Variants in PDE10A observed in about 807,000 individuals in gnomAD.
PDE10A encodes cAMP and cAMP-inhibited cGMP 3',5'-cyclic phosphodiesterase 10A.
In PDE10A, 39 loss-of-function variants were observed where a neutral mutation model predicts 97.7. That is an observed-to-expected ratio of 0.40 (90% CI 0.31 to 0.52). The LOEUF is 0.52. Ranked by LOEUF, PDE10A falls within the 20% of genes least tolerant of loss-of-function variation. The probability of loss-of-function intolerance (pLI) is 0.56; values close to 1 mark genes in which losing one functional copy is unlikely to be tolerated. For synonymous variants in PDE10A, 371 were observed against 376.8 expected (o/e 0.98, Z 0.18); for missense variants, 731 against 1,047.8 (o/e 0.70, Z 4.17).
At chr6:165,967,628 G>A (rs1342555829) in intron 1 of PDE10A, among the ~76,000 whole-genome samples, 1 of 152,196 alleles carries the variant, frequency 6.6e-6, no homozygotes, top group African/African-American at 2.4e-5. Flanking sequence ...TAAAGAAATA[G>A]CATCTGTACA....
intron 1 of PDE10A, among the ~76,000 whole-genome samples, chr6:165,719,694 T>G (rs1792118313): frequency 6.6e-6 from 1 of 152,182 alleles, no homozygotes; most frequent in Admixed American, 6.5e-5. Context: ...ATGGAGCTGA[T>G]GGCATGCTTT....
intron 3 of PDE10A, among the ~76,000 whole-genome samples, chr6:165,478,935 C>T (rs1779447818): frequency 6.6e-6 from 1 of 152,202 alleles, no homozygotes; most frequent in Admixed American, 6.5e-5. Flanking sequence ...ACCTGGCCCC[C>T]ATGCTTCCAG....
At chr6:165,910,035 C>T (rs1782409127) in intron 1 of PDE10A, among the ~76,000 whole-genome samples, 1 of 152,174 alleles carries the variant, frequency 6.6e-6, no homozygotes, top group Non-Finnish European at 1.5e-5. Context: ...TCTCTTTTCT[C>T]CTCTAGAATG....
chr6:165,793,184 G>A (rs1211606375), intron 1 of PDE10A, among the ~76,000 whole-genome samples: 1 of 152,032 alleles, frequency 6.6e-6, no homozygotes, highest in African/African-American at 2.4e-5. Context: ...CTGAGGTTCG[G>A]GCTGAGAATT....
intron 1 of PDE10A, among the ~76,000 whole-genome samples, chr6:165,975,218 T>G (rs1320259566): frequency 6.6e-6 from 1 of 152,250 alleles, no homozygotes; most frequent in African/African-American, 2.4e-5. Context: ...CCGGGAGGTA[T>G]TCAGGCTATC....
chr6:165,722,625 T>C lies in PDE10A; in HGVS notation c.-614-179057A>G, dbSNP rs1443572469. Among the ~76,000 whole-genome samples, 5 of 152,186 alleles carry C rather than the reference T, an allele frequency of 3.3e-5. No individual in the cohort carries two copies. The East Asian group carries it at 9.6e-4, about 29-fold the overall frequency. On this transcript the variant is annotated intron_variant, in intron 1 of 19. Transcript: ENST00000366882. ...GCTCTCTATCTCTCTCAAAATTCCT[T>C]AATATTTTCAGATCATAGGTGCCCA...
intron 1 of PDE10A, among the ~76,000 whole-genome samples, chr6:165,899,059 T>C (rs575665571): frequency 1.1e-3 from 168 of 152,306 alleles, no homozygotes; most frequent in Non-Finnish European, 2.0e-3. Context: ...GTGAGTTCCA[T>C]GGGGACAGGG....
chr6:165,344,403 G>A (rs1342667660), intron 18 of PDE10A, among the ~76,000 whole-genome samples: 1 of 152,126 alleles, frequency 6.6e-6, no homozygotes, highest in Non-Finnish European at 1.5e-5. Flanking sequence ...TATCAACAAG[G>A]ATATAAAAGT....
At chr6:165,881,774 C>CA (rs1313211511) in intron 1 of PDE10A, among the ~76,000 whole-genome samples, 1 of 152,078 alleles carries the variant, frequency 6.6e-6, no homozygotes, top group Non-Finnish European at 1.5e-5. Flanking sequence ...ATAATGACTG[C>CA]ACTAATCCAA....
chr6:165,444,481 C>T (rs995974464), intron 5 of PDE10A, among the ~76,000 whole-genome samples: 15 of 152,072 alleles, frequency 9.9e-5, no homozygotes, highest in African/African-American at 3.6e-4. Flanking sequence ...AAAAATACTA[C>T]TATTTTTCTG....
chr6:165,651,758 T>G (rs1255582033), intron 1 of PDE10A, among the ~76,000 whole-genome samples: 4 of 152,252 alleles, frequency 2.6e-5, no homozygotes, highest in Non-Finnish European at 5.9e-5. Flanking sequence ...CTTTTTGCAT[T>G]TAAATATACA....
chr6:165,981,613 C>A (rs1272099703), intron 1 of PDE10A, among the ~76,000 whole-genome samples: 1 of 152,094 alleles, frequency 6.6e-6, no homozygotes, highest in Non-Finnish European at 1.5e-5. Flanking sequence ...CTCAAAGTCC[C>A]CTCCTTCACC....
At chr6:165,818,718 G>A (rs1779485473) in intron 1 of PDE10A, among the ~76,000 whole-genome samples, 1 of 152,186 alleles carries the variant, frequency 6.6e-6, no homozygotes, top group Non-Finnish European at 1.5e-5. Flanking sequence ...CTTCATATGG[G>A]TGCCAAAATC....
chr6:165,645,406 A>C (rs1789343920), intron 1 of PDE10A, among the ~76,000 whole-genome samples: 1 of 152,122 alleles, frequency 6.6e-6, no homozygotes, highest in Admixed American at 6.5e-5. Flanking sequence ...ACCCAAATAG[A>C]AAACTGGAGT....
intron 18 of PDE10A, among the ~76,000 whole-genome samples, chr6:165,355,237 G>T (rs914510682): frequency 2.0e-5 from 3 of 152,068 alleles, no homozygotes; most frequent in African/African-American, 4.8e-5. Flanking sequence ...ATGTTATATA[G>T]AATGAAATGC....
At chr6:165,449,075 T>C (rs922590810) in intron 4 of PDE10A, 98 bp from the exon 5 acceptor site, 8 of 835,488 alleles carry the variant, frequency 9.6e-6, no homozygotes, top group Admixed American at 1.9e-5. Flanking sequence ...GTCTTTCAAA[T>C]TGATTTGTTA....
chr6:165,850,346 C>CG (rs1288879530), intron 1 of PDE10A, among the ~76,000 whole-genome samples: 5 of 152,158 alleles, frequency 3.3e-5, no homozygotes, highest in Admixed American at 6.5e-5. Flanking sequence ...TCGAAGCCCC[C>CG]GGGAAGTGCG....
intron 1 of PDE10A, among the ~76,000 whole-genome samples, chr6:165,885,196 A>T (rs189474712): frequency 6.6e-6 from 1 of 152,308 alleles, no homozygotes. Context: ...CGTCTATTTC[A>T]CACTGCTTTA....
upstream of PDE10A, among the ~76,000 whole-genome samples, chr6:165,666,792 GT>G (rs1790509464): frequency 6.6e-6 from 1 of 152,176 alleles, no homozygotes; most frequent in Non-Finnish European, 1.5e-5. Flanking sequence ...ATATCAACAT[GT>G]TGGGGTAAGT....
Sources: allele counts gnomAD v4.1 joint callset (sites outside exome capture counted in the v4.1 genomes callset), GRCh38; gene constraint gnomAD v4.1.1; transcripts MANE v1.5; gene names NCBI Gene and HGNC (gene_info 2026-07-23, HGNC 2026-07-21).